The following GALNT7 variants were observed in gnomAD, a reference collection of about 807,000 sequenced individuals.
The protein encoded by GALNT7 is N-acetylgalactosaminyltransferase 7.
In GALNT7, 60 loss-of-function variants were observed where a neutral mutation model predicts 82.1. The ratio of observed to expected loss-of-function variants is 0.73; its 90% CI spans 0.59 to 0.91. The LOEUF (loss-of-function observed/expected upper bound fraction) is 0.91, where lower values mean the gene tolerates loss of function less well. GALNT7 is among the 40% of genes least tolerant of loss of function. GALNT7 has a pLI of 0.00. For synonymous variants in GALNT7, 243 were observed against 275.1 expected (o/e 0.88, Z 1.15); for missense variants, 660 against 804.2 (o/e 0.82, Z 2.17).
chr4:173,288,097 C>T (rs1054253493), intron 2 of GALNT7, among the ~76,000 whole-genome samples: 4 of 151,390 alleles, frequency 2.6e-5, no homozygotes, highest in Non-Finnish European at 4.4e-5. Context: ...TCCTGGCTAA[C>T]ACGGTGAAAC....
intron 8 of GALNT7, among the ~76,000 whole-genome samples, chr4:173,305,803 T>C (rs947042597): frequency 1.3e-5 from 2 of 152,214 alleles, no homozygotes; most frequent in Non-Finnish European, 2.9e-5. Context: ...TATAGCTTAG[T>C]AGTAGATTTT....
chr4:173,269,346 C>T (rs1554026204), intron 2 of GALNT7, among the ~76,000 whole-genome samples: 1 of 152,150 alleles, frequency 6.6e-6, no homozygotes, highest in Non-Finnish European at 1.5e-5. Context: ...CTTCCCACCC[C>T]TCCCCACTTT....
intron 2 of GALNT7, among the ~76,000 whole-genome samples, chr4:173,257,306 A>G (rs1179848122): frequency 1.3e-5 from 2 of 152,166 alleles, no homozygotes; most frequent in Non-Finnish European, 2.9e-5. Flanking sequence ...TTTTCTTCAG[A>G]AAGGATTGTA....
At chr4:173,209,007 C>A (rs2126667241) in intron 1 of GALNT7, among the ~76,000 whole-genome samples, 1 of 152,240 alleles carries the variant, frequency 6.6e-6, no homozygotes, top group East Asian at 1.9e-4. Context: ...AGAGATTCAT[C>A]TTTTGTTCAA....
At chr4:173,243,381 C>T (rs1267640718) in intron 1 of GALNT7, among the ~76,000 whole-genome samples, 1 of 152,156 alleles carries the variant, frequency 6.6e-6, no homozygotes, top group Non-Finnish European at 1.5e-5. Flanking sequence ...CCTTTATGAA[C>T]ATACTGATCT....
chr4:173,218,041 A>G (rs557836691), intron 1 of GALNT7, among the ~76,000 whole-genome samples: 1 of 152,326 alleles, frequency 6.6e-6, no homozygotes, highest in African/African-American at 2.4e-5. Flanking sequence ...TCACTTTGTT[A>G]AATTTTGTCT....
intron 2 of GALNT7, among the ~76,000 whole-genome samples, chr4:173,269,758 A>G (rs1735654074): frequency 6.6e-6 from 1 of 152,166 alleles, no homozygotes; most frequent in African/African-American, 2.4e-5. Flanking sequence ...AGTAATTTAA[A>G]TTCTTTCCAA....
chr4:173,177,921 C>G (rs1732103591), intron 1 of GALNT7, among the ~76,000 whole-genome samples: 2 of 151,766 alleles, frequency 1.3e-5, no homozygotes, highest in African/African-American at 4.8e-5. Context: ...AGAACTGTAA[C>G]TATCAAAGAG....
In GALNT7 at chr4:173,314,231, CAGAG is replaced by C. The variant is rs934319278; in HGVS notation, c.1608+60_1608+63del. On this transcript the variant is annotated intron_variant, in intron 9 of 11. Transcript: ENST00000265000. ...TTTGTAGACTGAGTTTGGGAGAAGG[CAGAG>C]AGAGGTGGAAATATGTAAGAGGGAA... 2.4e-5 allele frequency: 28 copies of C among 1,160,516 alleles called. No individual in the cohort carries two copies. In the Admixed American group the frequency reaches 3.4e-4, roughly 14 times the overall value. 71.9% of individuals were successfully genotyped at this position (1,160,516 alleles called of 1,614,324 possible).
intron 1 of GALNT7, among the ~76,000 whole-genome samples, chr4:173,226,325 T>G (rs535981420): frequency 2.6e-5 from 4 of 152,360 alleles, no homozygotes; most frequent in African/African-American, 9.6e-5. Flanking sequence ...TACCAGCTTT[T>G]AACTCCGTGC....
chr4:173,279,951 G>C (rs1056252594), intron 2 of GALNT7, among the ~76,000 whole-genome samples: 1 of 152,054 alleles, frequency 6.6e-6, no homozygotes, highest in African/African-American at 2.4e-5. Flanking sequence ...CTCCAGCTGG[G>C]TGATAGAGCG....
At chr4:173,217,680 C>T (rs1733513906) in intron 1 of GALNT7, among the ~76,000 whole-genome samples, 1 of 152,040 alleles carries the variant, frequency 6.6e-6, no homozygotes, top group Non-Finnish European at 1.5e-5. Flanking sequence ...ATGTTTTTTG[C>T]CATTCATAAT....
chr4:173,183,578 ATCTC>A (rs973905632), intron 1 of GALNT7, among the ~76,000 whole-genome samples: 3 of 151,980 alleles, frequency 2.0e-5, no homozygotes, highest in Admixed American at 2.0e-4. Flanking sequence ...TAACAATCTG[ATCTC>A]TCTTTCTTTT....
intron 1 of GALNT7, among the ~76,000 whole-genome samples, chr4:173,201,849 G>A (rs898565555): frequency 3.9e-5 from 6 of 152,186 alleles, no homozygotes; most frequent in Admixed American, 1.3e-4. Context: ...TAATAGGAAG[G>A]CAGATAACTT....
In GALNT7 at chr4:173,194,272, G is replaced by A. The variant is rs115255272; in HGVS notation, c.126+25311G>A. On this transcript the variant is annotated intron_variant, in intron 1 of 11. Coordinates refer to ENST00000265000, the MANE Select transcript of GALNT7 (RefSeq NM_017423.3). ...TGTTAACATACAGCATTTATACAGA[G>A]GCATTCTTTGTACATGCCTTAGGTT... Among the ~76,000 whole-genome samples the A allele has an allele frequency of 7.9e-3, 1,210 of 152,262 alleles. 20 individuals carry two copies. The highest frequency in any genetic ancestry group is 0.027 in the African/African-American group (1,128 of 41,544).
chr4:173,313,069 A>G (rs561977952), intron 8 of GALNT7, among the ~76,000 whole-genome samples: 2 of 151,176 alleles, frequency 1.3e-5, no homozygotes, highest in South Asian at 4.2e-4. Context: ...AAAAATATAT[A>G]TTTTTTTTAA....
chr4:173,170,809 T>A (rs1198164217), intron 1 of GALNT7, among the ~76,000 whole-genome samples: 2 of 152,224 alleles, frequency 1.3e-5, no homozygotes, highest in African/African-American at 2.4e-5. Flanking sequence ...GTTCAGAATG[T>A]CCCGCCCTTC....
intron 1 of GALNT7, among the ~76,000 whole-genome samples, chr4:173,213,152 C>T (rs1024832607): frequency 1.3e-5 from 2 of 151,880 alleles, no homozygotes; most frequent in African/African-American, 4.8e-5. Flanking sequence ...TTTGGAGTTC[C>T]CTGATGTATT....
Position 173,318,456 on chromosome 4 carries a change from A to C in GALNT7, c.1733A>C (p.Gln578Pro). The C allele has an allele frequency of 6.2e-7, 1 of 1,604,028 alleles. No homozygotes were observed. The highest frequency in any genetic ancestry group is 8.5e-7 in the Non-Finnish European group (1 of 1,174,632). ...NQLFRINEAN[Q>P]LMQYDQCLTK... The stretch of plus-strand genomic sequence containing the variant: ...CTTTTCAGAATCAATGAAGCAAATC[A>C]ACTCATGCAGTATGACCAGTGTTTG... Residue 578 changes from glutamine to proline, a missense_variant, in exon 11 of 12, where the codon CAA becomes CCA. Physicochemically the swap from Gln to Pro is moderately conservative, Grantham distance 76 (BLOSUM62 -1). Transcript: ENST00000265000.
Sources: allele counts gnomAD v4.1 joint callset (sites outside exome capture counted in the v4.1 genomes callset), GRCh38; gene constraint gnomAD v4.1.1; transcripts MANE v1.5; gene names NCBI Gene and HGNC (gene_info 2026-07-23, HGNC 2026-07-21).